Variants in DPP6 observed in about 807,000 individuals in gnomAD.
The protein encoded by DPP6 is dipeptidyl peptidase like 6.
In DPP6, 69 loss-of-function variants were observed where a neutral mutation model predicts 122.6. The observed-to-expected ratio is 0.56, with a 90% CI of 0.46 to 0.69. DPP6 has a LOEUF of 0.69. DPP6 is among the 30% of genes least tolerant of loss of function. The pLI is 0.00. For missense variants in DPP6, 928 were observed against 1,116.9 expected (o/e 0.83, Z 2.41); for synonymous variants, 418 against 433.1 (o/e 0.97, Z 0.43).
chr7:154,482,315 G>A (rs190092219), intron 3 of DPP6, among the ~76,000 whole-genome samples: 1 of 152,068 alleles, frequency 6.6e-6, no homozygotes, highest in Non-Finnish European at 1.5e-5. Flanking sequence ...AGGGAGTATG[G>A]GGGAGAATTT....
chr7:154,610,681 T>A (rs531277091), intron 5 of DPP6, among the ~76,000 whole-genome samples: 32 of 151,108 alleles, frequency 2.1e-4, no homozygotes, highest in Admixed American at 2.1e-3. Flanking sequence ...ATGTTTTTTT[T>A]TTATTATTTG....
At chr7:154,338,714 T>C (rs1585987174) in intron 1 of DPP6, among the ~76,000 whole-genome samples, 1 of 152,226 alleles carries the variant, frequency 6.6e-6, no homozygotes, top group African/African-American at 2.4e-5. Flanking sequence ...TCTGGGCCTT[T>C]TCTAAACAGA....
At chr7:154,886,720 G>A (rs1315905446) in intron 22 of DPP6, among the ~76,000 whole-genome samples, 1 of 152,188 alleles carries the variant, frequency 6.6e-6, no homozygotes, top group Admixed American at 6.5e-5. Flanking sequence ...CCTGCAGGTT[G>A]GAGGAACGAG....
chr7:154,507,406 T>TA (rs1172757733), intron 3 of DPP6, among the ~76,000 whole-genome samples: 2 of 152,130 alleles, frequency 1.3e-5, no homozygotes, highest in African/African-American at 4.8e-5. Flanking sequence ...CTGCATGCAT[T>TA]AGGCATTTGT....
intron 6 of DPP6, among the ~76,000 whole-genome samples, chr7:154,659,927 C>T (rs537608638): frequency 9.2e-5 from 14 of 152,302 alleles, no homozygotes; most frequent in South Asian, 4.1e-4. Context: ...TTCTGTAGGA[C>T]GAGGGTAGCT....
chr7:154,555,471 T>TG lies in DPP6; in HGVS notation c.553-11366dup, dbSNP rs1406345581. On this transcript the variant is annotated intron_variant, in intron 4 of 25. Transcript: ENST00000377770. ...TCACACACCGGCGACTGTTGTGGGG[T>TG]GGGGGAAGGGGGGACGGATAGCATT... 4.7e-5 allele frequency among the ~76,000 whole-genome samples: 7 copies of TG among 150,112 alleles called. No individual in the cohort carries two copies. The East Asian group carries it at 9.9e-4, about 21-fold the overall frequency.
intron 1 of DPP6, among the ~76,000 whole-genome samples, chr7:154,314,610 TG>T (rs2151005558): frequency 6.6e-6 from 1 of 152,334 alleles, no homozygotes; most frequent in East Asian, 1.9e-4. Context: ...CCCCAGGGCA[TG>T]GGGGAGCCCA....
intron 1 of DPP6, among the ~76,000 whole-genome samples, chr7:153,963,074 C>T (rs1245453893): frequency 6.6e-6 from 1 of 152,090 alleles, no homozygotes; most frequent in Non-Finnish European, 1.5e-5. Context: ...ATTAAAGACC[C>T]CTGAGCTAAG....
At chr7:154,415,735 C>T (rs1240166190) in intron 1 of DPP6, among the ~76,000 whole-genome samples, 1 of 148,332 alleles carries the variant, frequency 6.7e-6, no homozygotes, top group East Asian at 2.0e-4. Flanking sequence ...TCTAGAATGC[C>T]CCATTTTCTG....
At chr7:153,886,401 G>A (rs982981768), upstream of DPP6, among the ~76,000 whole-genome samples, 6 of 152,022 alleles carry the variant, frequency 3.9e-5, no homozygotes, top group African/African-American at 1.2e-4. Context: ...AATGGGCGCT[G>A]GGATTTGGCC....
chr7:153,828,998 A>G, the DPP6 span, among the ~76,000 whole-genome samples: 2 of 152,206 alleles, frequency 1.3e-5, no homozygotes, highest in African/African-American at 4.8e-5. Flanking sequence ...CTTTCCAATC[A>G]TGCCCAGTGT....
chr7:154,558,210 G>A lies in DPP6; in HGVS notation c.553-8632G>A, dbSNP rs191048454. 1.4e-3 allele frequency among the ~76,000 whole-genome samples: 216 copies of A among 151,992 alleles called. 1 individual carries two copies. The highest frequency in any genetic ancestry group is 2.7e-3 in the South Asian group (13 of 4,816). ...AAGAACATGTGGTGTTTGAAAAACCGCAGTTACTTTTGCACCAGCCTAATA... is the reference window on the plus strand; with the variant it reads ...AAGAACATGTGGTGTTTGAAAAACCACAGTTACTTTTGCACCAGCCTAATA... On this transcript the variant is annotated intron_variant, in intron 4 of 25. Coordinates refer to ENST00000377770, the MANE Select transcript of DPP6 (RefSeq NM_130797.4).
the DPP6 span, among the ~76,000 whole-genome samples, chr7:153,769,761 G>T: frequency 3.3e-5 from 5 of 152,158 alleles, no homozygotes; most frequent in Non-Finnish European, 7.3e-5. Flanking sequence ...CTAAAGAGAA[G>T]ATATTGCAGG....
At chr7:153,936,706 G>A (rs1801461669) in intron 1 of DPP6, among the ~76,000 whole-genome samples, 1 of 152,028 alleles carries the variant, frequency 6.6e-6, no homozygotes, top group African/African-American at 2.4e-5. Flanking sequence ...AGCTACTCGG[G>A]AGGCTGAGGC....
At chr7:154,229,652 G>T (rs969901303) in intron 1 of DPP6, among the ~76,000 whole-genome samples, 3 of 152,040 alleles carry the variant, frequency 2.0e-5, no homozygotes, top group Admixed American at 2.0e-4. Context: ...TTTTTGAGGG[G>T]CATTTCTTCC....
At chr7:154,301,822 C>T (rs1805927425) in intron 1 of DPP6, among the ~76,000 whole-genome samples, 1 of 102,792 alleles carries the variant, frequency 9.7e-6, no homozygotes. Context: ...TTGTTGGAGA[C>T]AGAGCTCTCA....
intron 1 of DPP6, among the ~76,000 whole-genome samples, chr7:154,258,648 A>G (rs1246475340): frequency 1.3e-5 from 2 of 152,228 alleles, no homozygotes; most frequent in East Asian, 3.9e-4. Context: ...CAATCAGTAA[A>G]ATGTATCTGG....
chr7:154,401,224 AAAAC>A (rs1368031689), intron 1 of DPP6, among the ~76,000 whole-genome samples: 1 of 152,026 alleles, frequency 6.6e-6, no homozygotes, highest in Non-Finnish European at 1.5e-5. Flanking sequence ...AAACAAAAAA[AAAAC>A]AGGTATTACT....
intron 6 of DPP6, among the ~76,000 whole-genome samples, chr7:154,660,171 C>G (rs529987919): frequency 2.0e-5 from 3 of 152,306 alleles, no homozygotes; most frequent in South Asian, 2.1e-4. Flanking sequence ...GAATCACCAT[C>G]GCATATTGGC....
Sources: gnomAD v4.1 joint callset for allele counts (sites outside exome capture counted in the v4.1 genomes callset) on GRCh38, gnomAD v4.1.1 for gene constraint, MANE v1.5 for transcripts, NCBI Gene and HGNC (gene_info 2026-07-23, HGNC 2026-07-21) for gene names.